The following NDST3 variants were observed in gnomAD, a reference collection of about 807,000 sequenced individuals.
NDST3 encodes bifunctional heparan sulfate N-deacetylase/N-sulfotransferase 3.
In NDST3, 58 loss-of-function variants were observed where a neutral mutation model predicts 96.1. The ratio of observed to expected loss-of-function variants is 0.60; its 90% CI spans 0.49 to 0.75. The LOEUF is 0.75. Ranked by LOEUF, NDST3 falls within the 30% of genes least tolerant of loss-of-function variation. NDST3 has a pLI of 0.00. For missense variants in NDST3, 788 were observed against 1,034.2 expected (o/e 0.76, Z 3.27); for synonymous variants, 333 against 359.7 (o/e 0.93, Z 0.84).
intron 1 of NDST3, among the ~76,000 whole-genome samples, chr4:118,053,033 A>T (rs1398194187): frequency 6.6e-6 from 1 of 151,984 alleles, no homozygotes; most frequent in East Asian, 1.9e-4. Context: ...TCAATAGGTA[A>T]ATTTGCTCTT....
intron 12 of NDST3, among the ~76,000 whole-genome samples, chr4:118,249,168 T>G (rs921382099): frequency 2.6e-5 from 4 of 152,230 alleles, no homozygotes; most frequent in African/African-American, 9.6e-5. Context: ...TCAGTGCTTC[T>G]TAGAAAAACT....
intron 6 of NDST3, among the ~76,000 whole-genome samples, chr4:118,168,348 A>G (rs1227455789): frequency 4.6e-5 from 7 of 152,044 alleles, no homozygotes; most frequent in Non-Finnish European, 8.8e-5. Context: ...ATGAATATAG[A>G]TGTTTAAAAA....
intron 4 of NDST3, among the ~76,000 whole-genome samples, chr4:118,124,560 G>A (rs1313488750): frequency 2.0e-5 from 3 of 151,876 alleles, no homozygotes; most frequent in Non-Finnish European, 2.9e-5. Context: ...AGATTGAGCC[G>A]GGGACTCAAA....
intron 6 of NDST3, among the ~76,000 whole-genome samples, chr4:118,170,602 A>G (rs1054298172): frequency 6.6e-6 from 1 of 152,030 alleles, no homozygotes; most frequent in African/African-American, 2.4e-5. Flanking sequence ...GGTGGTGCAC[A>G]CCTGCAGTCC....
At chr4:118,062,962 G>A (rs770750212) in intron 2 of NDST3, among the ~76,000 whole-genome samples, 4 of 151,954 alleles carry the variant, frequency 2.6e-5, no homozygotes, top group African/African-American at 9.7e-5. Flanking sequence ...AGGCCGAGGT[G>A]GTCAGATGAC....
At chr4:118,236,939 C>T (rs1578856580) in intron 9 of NDST3, 107 bp from the exon 10 acceptor site, 2 of 798,624 alleles carry the variant, frequency 2.5e-6, no homozygotes, top group South Asian at 3.1e-5. Flanking sequence ...AAAGAAAAAG[C>T]CTTTTATTTA....
At chr4:118,094,643 T>G (rs760686934) in intron 2 of NDST3, among the ~76,000 whole-genome samples, 16 of 151,862 alleles carry the variant, frequency 1.1e-4, no homozygotes, top group Non-Finnish European at 1.6e-4. Context: ...TGACTAAGAA[T>G]TTTTTGGCAT....
At chr4:118,069,197 G>A (rs562958558) in intron 2 of NDST3, among the ~76,000 whole-genome samples, 1 of 152,170 alleles carries the variant, frequency 6.6e-6, no homozygotes, top group South Asian at 2.1e-4. Context: ...AGGTGTAAGA[G>A]TTAGGATAGA....
At chr4:118,065,081 A>T (rs186838360) in intron 2 of NDST3, among the ~76,000 whole-genome samples, 2 of 152,256 alleles carry the variant, frequency 1.3e-5, no homozygotes, top group Non-Finnish European at 2.9e-5. Context: ...CACATCTGCA[A>T]AATCTCTTTT....
At chr4:118,132,078 T>A (rs756941463) in intron 4 of NDST3, among the ~76,000 whole-genome samples, 10 of 152,198 alleles carry the variant, frequency 6.6e-5, no homozygotes, top group Middle Eastern at 3.4e-3. Flanking sequence ...ACCACCTATG[T>A]TCACTCAAGG....
At chr4:118,064,789 A>G (rs1001128240) in intron 2 of NDST3, among the ~76,000 whole-genome samples, 1 of 152,150 alleles carries the variant, frequency 6.6e-6, no homozygotes, top group African/African-American at 2.4e-5. Flanking sequence ...GACATCCAAC[A>G]TGGGTCTTAC....
chr4:118,048,241 A>C, intron 1 of NDST3, among the ~76,000 whole-genome samples: 1 of 152,160 alleles, frequency 6.6e-6, no homozygotes, highest in East Asian at 1.9e-4. Flanking sequence ...CTGAACATGG[A>C]ATTGAAAAGC....
chr4:118,214,962 G>T lies in NDST3; in HGVS notation c.1540-9529G>T, dbSNP rs28630407. 6.8e-3 allele frequency among the ~76,000 whole-genome samples: 1,030 copies of T among 152,210 alleles called. 13 individuals carry two copies. The highest frequency in any genetic ancestry group is 0.023 in the African/African-American group (968 of 41,534). ...TGCTAGTTATTATTTAGCTGGTTAG[G>T]TGCTAGGAAACTAGCAGTGATGAAG... On this transcript the variant is annotated intron_variant, in intron 6 of 13. Coordinates refer to ENST00000296499, the MANE Select transcript of NDST3 (RefSeq NM_004784.3).
intron 3 of NDST3, among the ~76,000 whole-genome samples, chr4:118,106,358 CTTTT>C (rs1323914954): frequency 6.6e-5 from 10 of 150,998 alleles, no homozygotes; most frequent in Middle Eastern, 3.4e-3. Flanking sequence ...AATTTTTTTT[CTTTT>C]TGAGACAGGA....
At chr4:118,162,330 C>A (rs1292466231) in intron 6 of NDST3, among the ~76,000 whole-genome samples, 2 of 152,164 alleles carry the variant, frequency 1.3e-5, no homozygotes, top group South Asian at 2.1e-4. Flanking sequence ...GGAGGCATCA[C>A]GCTACCTGAC....
intron 1 of NDST3, among the ~76,000 whole-genome samples, chr4:118,052,433 G>C (rs1438070583): frequency 6.6e-6 from 1 of 151,968 alleles, no homozygotes; most frequent in African/African-American, 2.4e-5. Flanking sequence ...TACCTATTGG[G>C]TACTGTGCTT....
chr4:118,150,815 G>C (rs1175870400), intron 6 of NDST3, among the ~76,000 whole-genome samples: 4 of 152,024 alleles, frequency 2.6e-5, no homozygotes, highest in Non-Finnish European at 5.9e-5. Context: ...CAACCATTGT[G>C]GAAGTCAGTG....
At chr4:118,120,665 C>T (rs188663568) in intron 4 of NDST3, among the ~76,000 whole-genome samples, 13 of 152,096 alleles carry the variant, frequency 8.5e-5, no homozygotes, top group Admixed American at 3.9e-4. Flanking sequence ...TCAGCAAGGC[C>T]CAGATATCAA....
At chr4:118,115,068 C>T (rs1730974657) in intron 4 of NDST3, 108 bp downstream of exon 4, 2 of 1,213,978 alleles carry the variant, frequency 1.6e-6, no homozygotes, top group Non-Finnish European at 2.3e-6. Context: ...TCCATATGAT[C>T]ATTTGGAATA....
Sources: gnomAD v4.1 joint callset for allele counts (sites outside exome capture counted in the v4.1 genomes callset) on GRCh38, gnomAD v4.1.1 for gene constraint, MANE v1.5 for transcripts, NCBI Gene and HGNC (gene_info 2026-07-23, HGNC 2026-07-21) for gene names.